Variants in PTPRO observed in about 807,000 individuals in gnomAD.
PTPRO encodes the protein protein tyrosine phosphatase receptor type O.
In PTPRO, 62 loss-of-function variants were observed where a neutral mutation model predicts 145.2. The observed-to-expected ratio is 0.43, with a 90% CI of 0.35 to 0.53. The LOEUF (loss-of-function observed/expected upper bound fraction) is 0.53, where lower values mean the gene tolerates loss of function less well. Among genes scored for constraint, PTPRO ranks in the 20% least tolerant of loss-of-function variants. The pLI is 0.01. For synonymous variants in PTPRO, 565 were observed against 514.7 expected (o/e 1.10, Z -1.32); for missense variants, 1,345 against 1,482.7 (o/e 0.91, Z 1.53).
At chr12:15,511,496 ACTT>A (rs1942439088) in intron 7 of PTPRO, among the ~76,000 whole-genome samples, 1 of 152,226 alleles carries the variant, frequency 6.6e-6, no homozygotes. Context: ...GCCCATAGCT[ACTT>A]CTTATTTTAA....
chr12:15,520,135 A>G lies in PTPRO; in HGVS notation c.1780-66A>G, dbSNP rs1942683976. ...TACTTATTAATTTTTTATGAAAGTAAGTCTACTCCAAAAATAGTACTTTCT... is the reference window on the plus strand; with the variant it reads ...TACTTATTAATTTTTTATGAAAGTAGGTCTACTCCAAAAATAGTACTTTCT... On this transcript the variant is annotated intron_variant, in intron 9 of 26. Transcript: ENST00000281171. 2.9e-6 allele frequency: 3 copies of G among 1,019,312 alleles called. No homozygotes were observed. The South Asian group carries it at 3.8e-5, about 13-fold the overall frequency. The allele number at this position is 1,019,312 out of a possible 1,614,324, so 63.1% of individuals were successfully genotyped here.
intron 1 of PTPRO, among the ~76,000 whole-genome samples, chr12:15,474,717 C>G (rs1390205345): frequency 1.3e-5 from 2 of 152,172 alleles, no homozygotes; most frequent in African/African-American, 4.8e-5. Flanking sequence ...CAGCATTGGA[C>G]TTGCCTACAT....
intron 2 of PTPRO, among the ~76,000 whole-genome samples, chr12:15,496,014 A>G (rs1442703802): frequency 6.6e-6 from 1 of 152,140 alleles, no homozygotes; most frequent in Non-Finnish European, 1.5e-5. Flanking sequence ...AACAAGAAAA[A>G]TGAAGTGAGT....
chr12:15,484,076 A>G lies in PTPRO; in HGVS notation c.178A>G (p.Ile60Val). The change falls in exon 2 of 27, where the codon ATA becomes GTA. Residue 60 changes from isoleucine (I) to valine (V), a missense_variant. By Grantham distance (29) the Ile-to-Val change is conservative (BLOSUM62 3). This residue lies in a region of PTPRO where 1,130 missense variants were observed against 1,214.7 expected (regional missense o/e 0.93). Coordinates refer to ENST00000281171, the MANE Select transcript of PTPRO (RefSeq NM_030667.3). ...TCCAGCATCTGTGTATGTTGTGAAG[A>G]TAACTGGTGAATCCAAAAATTATTT... ...ISPASVYVVK[I>V]TGESKNYFFE... The G allele has an allele frequency of 1.9e-6, 3 of 1,613,886 alleles. No homozygotes were observed. Among genetic ancestry groups the G allele is most frequent in the Non-Finnish European group, 2.5e-6 (3 of 1,179,818 alleles).
rs182009802 is a variant in PTPRO at position 15,372,246 on chromosome 12, G to A, written c.75+49445G>A. Reference sequence around the variant, plus strand: ...TTTTCTGCCCTCTTAGCATGTAGGGGTGCAGTTCAAAACTTGAGATATTTG... The same window carrying A: ...TTTTCTGCCCTCTTAGCATGTAGGGATGCAGTTCAAAACTTGAGATATTTG... On this transcript the variant is annotated intron_variant, in intron 1 of 26. Transcript: ENST00000281171. 5.4e-3 allele frequency among the ~76,000 whole-genome samples: 820 copies of A among 152,228 alleles called. 1 individual carries two copies. Among genetic ancestry groups the A allele is most frequent in the Non-Finnish European group, 8.7e-3 (590 of 68,014 alleles).
intron 22 of PTPRO, 102 bp from the exon 23 acceptor site, chr12:15,581,573 CCTAT>C (rs1470617530): frequency 4.1e-5 from 55 of 1,328,756 alleles, no homozygotes; most frequent in African/African-American, 2.9e-5. Flanking sequence ...TCACCACGGT[CCTAT>C]CTAATTCTTT....
At chr12:15,360,831 T>C (rs1162449306) in intron 1 of PTPRO, among the ~76,000 whole-genome samples, 6 of 92,846 alleles carry the variant, frequency 6.5e-5, no homozygotes, top group Admixed American at 2.0e-4. Context: ...TGTGTGTGTA[T>C]ATATATACGT....
chr12:15,363,315 G>A (rs1938264760), intron 1 of PTPRO, among the ~76,000 whole-genome samples: 1 of 152,154 alleles, frequency 6.6e-6, no homozygotes, highest in Non-Finnish European at 1.5e-5. Flanking sequence ...TCCTCCACAT[G>A]ACGTTTAATC....
intron 1 of PTPRO, among the ~76,000 whole-genome samples, chr12:15,476,445 A>G (rs1338107741): frequency 6.6e-6 from 1 of 151,426 alleles, no homozygotes; most frequent in Admixed American, 6.6e-5. Flanking sequence ...GTTTGAGTTC[A>G]TTGTAGATTC....
chr12:15,347,246 A>G (rs1867252963), intron 1 of PTPRO, among the ~76,000 whole-genome samples: 1 of 152,132 alleles, frequency 6.6e-6, no homozygotes, highest in Admixed American at 6.6e-5. Flanking sequence ...ACAACTTAAA[A>G]CAGTTTTCTA....
chr12:15,348,554 C>G (rs924994116), intron 1 of PTPRO: 2 of 152,052 alleles, frequency 1.3e-5, no homozygotes, highest in African/African-American at 4.8e-5. Context: ...GTCAGGAGAT[C>G]GAGACCATCC....
intron 19 of PTPRO, among the ~76,000 whole-genome samples, chr12:15,573,443 T>C (rs1001976763): frequency 1.3e-5 from 2 of 152,214 alleles, no homozygotes; most frequent in African/African-American, 4.8e-5. Flanking sequence ...CCTAGTCAAG[T>C]TGACGTCTAA....
intron 26 of PTPRO, 169 bp downstream of exon 26, chr12:15,595,226 C>A: frequency 1.6e-6 from 1 of 619,036 alleles, no homozygotes; most frequent in South Asian, 1.7e-5. Context: ...GAAACAAGTA[C>A]TGTAGCAGAT....
chr12:15,445,766 T>C (rs893652399), intron 1 of PTPRO, among the ~76,000 whole-genome samples: 6 of 152,196 alleles, frequency 3.9e-5, no homozygotes, highest in African/African-American at 1.4e-4. Flanking sequence ...CATGGGCTTG[T>C]TACTCTAAAT....
intron 2 of PTPRO, among the ~76,000 whole-genome samples, chr12:15,494,685 G>GA (rs3838354): frequency 1.3e-5 from 2 of 152,072 alleles, no homozygotes; most frequent in East Asian, 1.9e-4. Context: ...GCTTGTTGCA[G>GA]AAAAAAAATT....
At chr12:15,493,767 A>G (rs1386982257) in intron 2 of PTPRO, among the ~76,000 whole-genome samples, 1 of 152,210 alleles carries the variant, frequency 6.6e-6, no homozygotes, top group Non-Finnish European at 1.5e-5. Flanking sequence ...TCTGACACAG[A>G]TGATGTGTAG....
chr12:15,508,618 G>A lies in PTPRO; in HGVS notation c.1315G>A (p.Val439Met), dbSNP rs1262780333. The change falls in exon 7 of 27, where the codon GTG becomes ATG. Residue 439 changes from valine to methionine, a missense_variant. Val to Met is a conservative substitution (Grantham distance 21). This residue lies in a region of PTPRO where 1,130 missense variants were observed against 1,214.7 expected (regional missense o/e 0.93). Transcript: ENST00000281171. ...AGAACTGACCGAGAAGCCGCAGCAC[G>A]TGAGTGTCCACGTTTTAAGCTCAAC... ...IEELTEKPQH[V>M]SVHVLSSTTA... 9.9e-6 allele frequency: 16 copies of A among 1,614,074 alleles called. No individual in the cohort carries two copies. Among genetic ancestry groups the A allele is most frequent in the African/African-American group, 1.3e-5 (1 of 75,044 alleles).
intron 7 of PTPRO, among the ~76,000 whole-genome samples, chr12:15,511,864 A>G (rs1424106219): frequency 6.6e-6 from 1 of 151,836 alleles, no homozygotes; most frequent in Non-Finnish European, 1.5e-5. Context: ...GTGCCCGGCT[A>G]TAATGGCGTA....
At chr12:15,463,252 AG>A (rs1462281966) in intron 1 of PTPRO, among the ~76,000 whole-genome samples, 1 of 152,152 alleles carries the variant, frequency 6.6e-6, no homozygotes, top group Non-Finnish European at 1.5e-5. Context: ...AACTCTTCAA[AG>A]TTATGAATCA....
Sources: allele counts gnomAD v4.1 joint callset (sites outside exome capture counted in the v4.1 genomes callset), GRCh38; gene constraint gnomAD v4.1.1; regional missense constraint gnomAD v4.1.1; transcripts MANE v1.5; gene names NCBI Gene and HGNC (gene_info 2026-07-23, HGNC 2026-07-21).